Variants in SYT1 observed in about 807,000 individuals in gnomAD.
SYT1 encodes the protein synaptotagmin-1.
Under a neutral mutation model 44.8 loss-of-function variants are expected in SYT1, and 8 were observed. The ratio of observed to expected loss-of-function variants is 0.18; its 90% confidence interval spans 0.10 to 0.32. The LOEUF (loss-of-function observed/expected upper bound fraction) is 0.32, where lower values mean the gene tolerates loss of function less well. Among genes scored for constraint, SYT1 ranks in the 10% least tolerant of loss-of-function variants. The pLI is 1.00. For missense variants in SYT1, 286 were observed against 509.3 expected (o/e 0.56, Z 4.22); for synonymous variants, 154 against 188.8 (o/e 0.82, Z 1.51).
At chr12:79,337,080 A>G (rs745729698) in intron 8 of SYT1, among the ~76,000 whole-genome samples, 5 of 150,592 alleles carry the variant, frequency 3.3e-5, no homozygotes, top group Non-Finnish European at 7.4e-5. Flanking sequence ...CCCTCCCCCC[A>G]GTGTTGGGAC....
At position 79,287,967 on chromosome 12, in the gene SYT1, T is replaced by TTTAGGTAGAGCAC. The variant is rs577890222; in HGVS notation, c.351+1999_351+2011dup. Among the ~76,000 whole-genome samples, 38 of 152,308 alleles carry TTTAGGTAGAGCAC rather than the reference T, an allele frequency of 2.5e-4. 1 individual carries two copies. The South Asian group carries it at 7.5e-3, about 30-fold the overall frequency. On this transcript the variant is annotated intron_variant, in intron 5 of 10. Coordinates refer to ENST00000261205, the MANE Select transcript of SYT1 (RefSeq NM_005639.3). ...CACTCAAAAAGATGTTTTCAGTTAT[T>TTTAGGTAGAGCAC]TTAGGTAGAGCACTTTGTCTACATA...
rs1875021427 is a variant in SYT1, at chr12:79,219,480, A to G, written c.166+1795A>G. 3.3e-5 allele frequency among the ~76,000 whole-genome samples: 5 copies of G among 152,028 alleles called. No homozygotes were observed. In the South Asian group the frequency reaches 8.3e-4, roughly 25 times the overall value. On this transcript the variant is annotated intron_variant, in intron 4 of 10. Transcript: ENST00000261205. ...TTTTATTCTAGATTCATAATTTTGA[A>G]TCTTATATTTAAATCTTTAATTCAT... is the stretch of plus-strand genomic sequence containing the variant.
chr12:79,225,329 G>A (rs1020204820), intron 4 of SYT1, among the ~76,000 whole-genome samples: 5 of 152,184 alleles, frequency 3.3e-5, no homozygotes, highest in African/African-American at 1.2e-4. Flanking sequence ...AGAAGTTCAA[G>A]TTGATCTAAG....
rs572557195 is a variant in SYT1, at chr12:78,896,602, A to G, written c.-217+31493A>G. Among the ~76,000 whole-genome samples the G allele has an allele frequency of 4.6e-5, 7 of 151,958 alleles. No homozygotes were observed. The South Asian group carries it at 1.0e-3, about 23-fold the overall frequency. ...AGAGCAACCACCCTCCCCAAGGGGA[A>G]AAATATCTCCAAACCTCTCTCCTCA... On this transcript the variant is annotated intron_variant, in intron 1 of 10. Coordinates refer to ENST00000261205, the MANE Select transcript of SYT1 (RefSeq NM_005639.3).
At chr12:79,047,480 G>C (rs1874154747) in intron 3 of SYT1, 118 bp downstream of exon 3, 1 of 151,810 alleles carries the variant, frequency 6.6e-6, no homozygotes, top group Admixed American at 6.6e-5. Context: ...GAGGAAGCAA[G>C]TTGAGCCTTC....
intron 1 of SYT1, among the ~76,000 whole-genome samples, chr12:78,912,879 A>G (rs1876423009): frequency 6.6e-6 from 1 of 151,956 alleles, no homozygotes; most frequent in Non-Finnish European, 1.5e-5. Flanking sequence ...GATGCTCTAC[A>G]TTGATAAATA....
At chr12:78,869,987 C>G (rs1313908940) in intron 1 of SYT1, among the ~76,000 whole-genome samples, 2 of 152,036 alleles carry the variant, frequency 1.3e-5, no homozygotes, top group African/African-American at 2.4e-5. Flanking sequence ...AAGAGGAGCT[C>G]TAGAAAATCA....
chr12:78,969,909 G>A (rs10506798), intron 1 of SYT1, among the ~76,000 whole-genome samples: 10,986 of 152,142 alleles, frequency 0.072, 445 homozygotes, highest in African/African-American at 0.1. Context: ...CCCAGGATTC[G>A]ATGTCTATTG....
intron 1 of SYT1, among the ~76,000 whole-genome samples, chr12:78,972,483 T>TA (rs1292263921): frequency 1.3e-5 from 2 of 151,188 alleles, no homozygotes; most frequent in Non-Finnish European, 3.0e-5. Context: ...ACACAGAAGT[T>TA]AAAATTAAGG....
chr12:79,123,314 T>C (rs1868312267), intron 3 of SYT1, among the ~76,000 whole-genome samples: 1 of 120,386 alleles, frequency 8.3e-6, no homozygotes, highest in Admixed American at 7.5e-5. Flanking sequence ...ATGCAATGTG[T>C]GTGTGTGTGT....
chr12:79,441,318 G>A (rs553883730), intron 9 of SYT1, among the ~76,000 whole-genome samples: 47 of 152,172 alleles, frequency 3.1e-4, no homozygotes, highest in South Asian at 2.3e-3. Flanking sequence ...TGCTGCTGCT[G>A]CTGTTGTTGT....
chr12:79,025,499 A>G (rs1872469192), intron 2 of SYT1, among the ~76,000 whole-genome samples: 1 of 151,630 alleles, frequency 6.6e-6, no homozygotes, highest in Non-Finnish European at 1.5e-5. Flanking sequence ...ATTTCTAGAC[A>G]CACAAATCTA....
chr12:79,000,946 T>C (rs542069844), intron 2 of SYT1, among the ~76,000 whole-genome samples: 5 of 152,238 alleles, frequency 3.3e-5, no homozygotes, highest in South Asian at 4.1e-4. Context: ...ACAAAAGCAA[T>C]CTTAGCCACA....
At chr12:78,970,623 A>C (rs1287026150) in intron 1 of SYT1, among the ~76,000 whole-genome samples, 1 of 152,172 alleles carries the variant, frequency 6.6e-6, no homozygotes, top group Non-Finnish European at 1.5e-5. Context: ...AAAAGTATGT[A>C]ATTGTTATAT....
At chr12:79,300,970 G>A (rs1162894314) in intron 8 of SYT1, among the ~76,000 whole-genome samples, 2 of 149,914 alleles carry the variant, frequency 1.3e-5, no homozygotes, top group Admixed American at 6.7e-5. Context: ...TCCTATAAGT[G>A]AACTAATAGT....
intron 8 of SYT1, among the ~76,000 whole-genome samples, chr12:79,322,664 T>C (rs1406201440): frequency 6.6e-6 from 1 of 152,174 alleles, no homozygotes; most frequent in East Asian, 1.9e-4. Flanking sequence ...TCCTCAATTA[T>C]GTGGCGTCTA....
chr12:78,917,298 A>C (rs1056050870), intron 1 of SYT1, among the ~76,000 whole-genome samples: 2 of 152,010 alleles, frequency 1.3e-5, no homozygotes, highest in African/African-American at 4.8e-5. Flanking sequence ...TTCATGAGTC[A>C]TGGCTTTGAA....
intron 3 of SYT1, among the ~76,000 whole-genome samples, chr12:79,064,968 GAA>G (rs1222234708): frequency 6.7e-6 from 1 of 149,540 alleles, no homozygotes; most frequent in African/African-American, 2.5e-5. Flanking sequence ...AAGAAAGAAA[GAA>G]AGAAAGAAAG....
intron 2 of SYT1, among the ~76,000 whole-genome samples, chr12:79,044,247 A>G (rs375873419): frequency 2.0e-5 from 3 of 152,150 alleles, no homozygotes; most frequent in Non-Finnish European, 4.4e-5. Context: ...CATTCTCCCC[A>G]TCACTTTCAG....
Sources: gnomAD v4.1 joint callset for allele counts (sites outside exome capture counted in the v4.1 genomes callset) on GRCh38, gnomAD v4.1.1 for gene constraint, MANE v1.5 for transcripts, NCBI Gene and HGNC (gene_info 2026-07-23, HGNC 2026-07-21) for gene names.